The following SRGAP2 variants were observed in gnomAD, a reference collection of about 807,000 sequenced individuals.
The protein encoded by SRGAP2 is SLIT-ROBO Rho GTPase-activating protein 2.
Under a neutral mutation model 57.2 loss-of-function variants are expected in SRGAP2, and 15 were observed. That is an observed-to-expected ratio of 0.26 (90% CI 0.18 to 0.40). The LOEUF (loss-of-function observed/expected upper bound fraction) is 0.40. Among genes scored for constraint, SRGAP2 ranks in the 10% least tolerant of loss-of-function variants. The probability of loss-of-function intolerance (pLI) is 1.00; values close to 1 mark genes in which losing one functional copy is unlikely to be tolerated. For missense variants in SRGAP2, 520 were observed against 669.6 expected (o/e 0.78, Z 2.47); for synonymous variants, 249 against 248.0 (o/e 1.00, Z -0.04).
At chr1:206,455,117 C>T in intron 21 of SRGAP2, 93 bp downstream of exon 21, 1 of 771,226 alleles carries the variant, frequency 1.3e-6, no homozygotes, top group East Asian at 2.4e-5. Context: ...TCCTGTGCTG[C>T]ACGTAGGGCT....
intron 13 of SRGAP2, among the ~76,000 whole-genome samples, chr1:206,425,576 G>T (rs554068311): frequency 6.6e-6 from 1 of 151,542 alleles, no homozygotes; most frequent in African/African-American, 2.4e-5. Flanking sequence ...GTTCTGTTGC[G>T]CAGGCTGGAC....
intron 22 of SRGAP2, among the ~76,000 whole-genome samples, chr1:206,460,489 G>A (rs976338657): frequency 1.3e-5 from 2 of 152,214 alleles, no homozygotes; most frequent in South Asian, 2.1e-4. Context: ...GAGGAGGGGC[G>A]GGGGGAGGCG....
At position 206,422,478 on chromosome 1, in the gene SRGAP2, G is replaced by T. The variant is rs577188332; in HGVS notation, c.1494+1204G>T. Among the ~76,000 whole-genome samples, 29 of 152,256 alleles carry T rather than the reference G, an allele frequency of 1.9e-4. No individual in the cohort carries two copies. In the South Asian group the frequency reaches 6.0e-3, roughly 32 times the overall value. On this transcript the variant is annotated intron_variant, in intron 13 of 22. Transcript: ENST00000573034. Reference sequence around the variant, plus strand: ...CATAATTTCATTTAAAACTAGAGAGGAATGGAGTGACTCCTAGAGATAATT... The same window carrying T: ...CATAATTTCATTTAAAACTAGAGAGTAATGGAGTGACTCCTAGAGATAATT...
At chr1:206,393,927 TAGTC>T (rs773619816) in intron 7 of SRGAP2, among the ~76,000 whole-genome samples, 9 of 139,940 alleles carry the variant, frequency 6.4e-5, no homozygotes, top group African/African-American at 1.6e-4. Context: ...TTAGATGACT[TAGTC>T]AGAGTCAGTT....
In SRGAP2 at chr1:206,314,096, G is replaced by T. The variant is rs1156751099; in HGVS notation, c.260+10623G>T. Among the ~76,000 whole-genome samples the T allele has an allele frequency of 6.4e-4, 81 of 125,680 alleles. 1 individual carries two copies. The highest frequency in any genetic ancestry group is 3.8e-3 in the Middle Eastern group (1 of 264). 82.5% of individuals were successfully genotyped at this position (125,680 alleles called of 152,430 possible). A position where few individuals can be genotyped will look rare whatever the true frequency, so the allele number is the denominator to read the frequency against. ...AAAAGAAATAGAGAGGGGCTTTTTT[G>T]TTTTTTTTGTTTTTTTTTTTTTGTT... On this transcript the variant is annotated intron_variant, in intron 3 of 22. Coordinates refer to ENST00000573034, the MANE Select transcript of SRGAP2 (RefSeq NM_015326.5).
intron 2 of SRGAP2, among the ~76,000 whole-genome samples, chr1:206,258,936 C>G (rs1475154795): frequency 6.9e-6 from 1 of 144,086 alleles, no homozygotes; most frequent in East Asian, 2.1e-4. Context: ...AAAGACAGAG[C>G]TCGGTGGCAT....
intron 3 of SRGAP2, among the ~76,000 whole-genome samples, chr1:206,313,014 G>A (rs1315542804): frequency 6.0e-5 from 9 of 151,108 alleles, no homozygotes; most frequent in Admixed American, 1.3e-4. Flanking sequence ...AGCTCACTTG[G>A]TTTTGATCTC....
intron 3 of SRGAP2, among the ~76,000 whole-genome samples, chr1:206,336,087 C>G (rs537204362): frequency 7.0e-6 from 1 of 143,706 alleles, no homozygotes; most frequent in Admixed American, 7.0e-5. Flanking sequence ...GCATGCTGTT[C>G]TCTCAAGGGT....
At chr1:206,377,198 T>C (rs1245765365) in intron 4 of SRGAP2, among the ~76,000 whole-genome samples, 44 of 152,088 alleles carry the variant, frequency 2.9e-4, no homozygotes, top group Non-Finnish European at 8.8e-5. Flanking sequence ...GAAACAAGTA[T>C]TGGGCCTTAG....
At chr1:206,213,819 T>G (rs1336236522) in intron 2 of SRGAP2, among the ~76,000 whole-genome samples, 1 of 151,664 alleles carries the variant, frequency 6.6e-6, no homozygotes, top group Non-Finnish European at 1.5e-5. Flanking sequence ...CTCAGGAGGC[T>G]GAGGGAGGAG....
At chr1:206,414,884 A>T (rs1659549837) in intron 10 of SRGAP2, among the ~76,000 whole-genome samples, 1 of 152,258 alleles carries the variant, frequency 6.6e-6, no homozygotes, top group African/African-American at 2.4e-5. Context: ...TGCTGCATGC[A>T]TAAAGCATTA....
chr1:206,248,421 A>G (rs1407619169), intron 2 of SRGAP2, among the ~76,000 whole-genome samples: 2 of 152,158 alleles, frequency 1.3e-5, no homozygotes, highest in African/African-American at 4.8e-5. Context: ...CTGTGAAATA[A>G]GTTATAAAGA....
At chr1:206,306,635 C>T (rs1274594605) in intron 3 of SRGAP2, among the ~76,000 whole-genome samples, 4 of 152,244 alleles carry the variant, frequency 2.6e-5, no homozygotes, top group South Asian at 2.1e-4. Flanking sequence ...TTGGTAGAGC[C>T]GAGTGGCCTG....
chr1:206,436,884 GAC>G (rs1553370216), intron 14 of SRGAP2, 79 bp from the exon 15 acceptor site: 1 of 770,764 alleles, frequency 1.3e-6, no homozygotes, highest in Non-Finnish European at 2.4e-6. Flanking sequence ...GGCTGGGGGA[GAC>G]AGATATTCAA....
chr1:206,418,105 A>C, intron 11 of SRGAP2, among the ~76,000 whole-genome samples: 1 of 141,846 alleles, frequency 7.0e-6, no homozygotes, highest in East Asian at 1.9e-4. Context: ...AGCAATAAAG[A>C]AAAAAAAAAG....
At chr1:206,280,154 C>T (rs1340726763) in intron 2 of SRGAP2, among the ~76,000 whole-genome samples, 1 of 150,688 alleles carries the variant, frequency 6.6e-6, no homozygotes, top group Admixed American at 6.6e-5. Context: ...ACTATGTTGC[C>T]CCAGCTGGTC....
At chr1:206,238,740 GTGTT>G (rs1365785081) in intron 2 of SRGAP2, among the ~76,000 whole-genome samples, 3 of 152,070 alleles carry the variant, frequency 2.0e-5, no homozygotes, top group Non-Finnish European at 4.4e-5. Flanking sequence ...ATTGGGCAGA[GTGTT>G]TGAATAGCTG....
intron 3 of SRGAP2, among the ~76,000 whole-genome samples, chr1:206,313,642 C>A (rs1476388064): frequency 1.3e-4 from 20 of 152,306 alleles, no homozygotes; most frequent in African/African-American, 4.6e-4. Context: ...AGGGATTTGG[C>A]TCTATGCAAT....
intron 22 of SRGAP2, 98 bp from the exon 23 acceptor site, chr1:206,460,939 G>A (rs782303609): frequency 1.3e-5 from 8 of 603,826 alleles, no homozygotes; most frequent in South Asian, 6.4e-5. Flanking sequence ...GACATCTTAC[G>A]GTCATTTTCT....
Sources: allele counts gnomAD v4.1 joint callset (sites outside exome capture counted in the v4.1 genomes callset), GRCh38; gene constraint gnomAD v4.1.1; transcripts MANE v1.5; gene names NCBI Gene and HGNC (gene_info 2026-07-23, HGNC 2026-07-21).